Variants in WDR70 observed in about 807,000 individuals in gnomAD.
WDR70 encodes the protein WD repeat domain 70, also known as WD repeat-containing protein 70.
A neutral mutation model predicts 88.6 loss-of-function variants in WDR70; 53 were observed. That is an observed-to-expected ratio of 0.60 (90% CI 0.48 to 0.75). The LOEUF is 0.75. Ranked by LOEUF, WDR70 falls within the 30% of genes least tolerant of loss-of-function variation. WDR70 has a pLI of 0.00. For missense variants in WDR70, 610 were observed against 823.2 expected (o/e 0.74, Z 3.17); for synonymous variants, 280 against 270.0 (o/e 1.04, Z -0.36).
intron 9 of WDR70, among the ~76,000 whole-genome samples, chr5:37,540,749 C>A (rs935967046): frequency 2.6e-5 from 4 of 152,160 alleles, no homozygotes; most frequent in African/African-American, 2.4e-5. Context: ...AAAATGTATT[C>A]TTTTACATGA....
At chr5:37,447,035 T>C (rs1738505330) in intron 7 of WDR70, among the ~76,000 whole-genome samples, 1 of 152,166 alleles carries the variant, frequency 6.6e-6, no homozygotes, top group Non-Finnish European at 1.5e-5. Context: ...TTTTGCAACC[T>C]ACCCATCTGA....
intron 8 of WDR70, among the ~76,000 whole-genome samples, chr5:37,487,621 A>ATTTTT (rs1561871968): frequency 5.3e-5 from 2 of 37,690 alleles, no homozygotes; most frequent in African/African-American, 1.5e-4. Flanking sequence ...ATATATATAT[A>ATTTTT]TATGTATTTT....
chr5:37,502,622 C>G (rs1740439346), intron 8 of WDR70, among the ~76,000 whole-genome samples: 1 of 152,064 alleles, frequency 6.6e-6, no homozygotes, highest in African/African-American at 2.4e-5. Context: ...GCCACTCTTG[C>G]ATTGCCGAAA....
intron 13 of WDR70, among the ~76,000 whole-genome samples, chr5:37,719,532 G>A (rs183478329): frequency 6.6e-6 from 1 of 152,126 alleles, no homozygotes; most frequent in African/African-American, 2.4e-5. Context: ...GTGAAAACCT[G>A]CCCCTTTAAC....
chr5:37,524,473 G>C (rs866892043), intron 9 of WDR70, among the ~76,000 whole-genome samples: 4 of 152,126 alleles, frequency 2.6e-5, no homozygotes, highest in African/African-American at 9.7e-5. Flanking sequence ...AAGAGCTCCT[G>C]AAGGAAGCAC....
intron 17 of WDR70, among the ~76,000 whole-genome samples, chr5:37,745,986 C>T (rs1389113359): frequency 6.6e-6 from 1 of 152,170 alleles, no homozygotes; most frequent in African/African-American, 2.4e-5. Flanking sequence ...TTCTCATTTC[C>T]ACATGGCACT....
At chr5:37,576,342 G>A (rs1329192585) in intron 9 of WDR70, among the ~76,000 whole-genome samples, 3 of 151,804 alleles carry the variant, frequency 2.0e-5, no homozygotes, top group Non-Finnish European at 4.4e-5. Context: ...TTCCTGGTGT[G>A]TTCTAAGGCA....
At chr5:37,483,719 T>A (rs77845325) in intron 8 of WDR70, among the ~76,000 whole-genome samples, 1 of 144,246 alleles carries the variant, frequency 6.9e-6, no homozygotes, top group East Asian at 2.2e-4. Flanking sequence ...GGCGGTGGCC[T>A]GGAGGAGGTG....
chr5:37,565,538 T>C (rs563413269), intron 9 of WDR70, among the ~76,000 whole-genome samples: 247 of 152,276 alleles, frequency 1.6e-3, no homozygotes, highest in African/African-American at 5.4e-3. Flanking sequence ...CGTTAGAGTC[T>C]GTTATCTTGA....
intron 8 of WDR70, among the ~76,000 whole-genome samples, chr5:37,480,444 C>A (rs1374463659): frequency 6.6e-6 from 1 of 152,206 alleles, no homozygotes; most frequent in Non-Finnish European, 1.5e-5. Flanking sequence ...AATTGTTTCA[C>A]AGTTCTGCAT....
At chr5:37,463,717 G>GA (rs1739080916) in intron 7 of WDR70, among the ~76,000 whole-genome samples, 1 of 152,102 alleles carries the variant, frequency 6.6e-6, no homozygotes, top group Admixed American at 6.6e-5. Context: ...CGGAATCTTC[G>GA]TTGTTTAGGC....
At chr5:37,691,232 C>T (rs893286014) in intron 10 of WDR70, among the ~76,000 whole-genome samples, 4 of 152,114 alleles carry the variant, frequency 2.6e-5, no homozygotes, top group Admixed American at 2.6e-4. Flanking sequence ...CCTTAGAGAC[C>T]TACAGATACT....
chr5:37,705,362 A>G (rs1747292020), intron 13 of WDR70, among the ~76,000 whole-genome samples: 1 of 152,196 alleles, frequency 6.6e-6, no homozygotes, highest in African/African-American at 2.4e-5. Flanking sequence ...TTAAATAAAT[A>G]GAACATACAA....
intron 4 of WDR70, among the ~76,000 whole-genome samples, chr5:37,393,781 A>G (rs539660527): frequency 4.3e-4 from 66 of 152,130 alleles, no homozygotes; most frequent in Non-Finnish European, 8.4e-4. Flanking sequence ...CCCAGACTCA[A>G]GTGATCCTCC....
rs192029201 is a variant in WDR70 at position 37,474,416 on chromosome 5, G to A, written c.687-5418G>A. 4.7e-3 allele frequency among the ~76,000 whole-genome samples: 709 copies of A among 152,256 alleles called. 3 individuals carry two copies. Among genetic ancestry groups the A allele is most frequent in the African/African-American group, 0.016 (653 of 41,558 alleles). ...CTGGAAAAGAGATGTTGAAATCTCCGAGTGTGATTGTAGATTTGCCTGTTT... is the reference window on the plus strand; with the variant it reads ...CTGGAAAAGAGATGTTGAAATCTCCAAGTGTGATTGTAGATTTGCCTGTTT... On this transcript the variant is annotated intron_variant, in intron 7 of 17. Coordinates refer to ENST00000265107, the MANE Select transcript of WDR70 (RefSeq NM_018034.4).
At chr5:37,561,320 T>C (rs1175925039) in intron 9 of WDR70, among the ~76,000 whole-genome samples, 1 of 152,226 alleles carries the variant, frequency 6.6e-6, no homozygotes, top group Non-Finnish European at 1.5e-5. Context: ...CTAACTAATA[T>C]AGAAAACCGA....
chr5:37,702,914 A>G lies in WDR70; in HGVS notation c.1278-35A>G, dbSNP rs752710190. On this transcript the variant is annotated intron_variant, in intron 12 of 17. Transcript: ENST00000265107. ...TGATTGCTGGACTGTTGTGGAGGTCATAAGCTTATACTCGTAAACTCTTTT... is the reference window on the plus strand; with the variant it reads ...TGATTGCTGGACTGTTGTGGAGGTCGTAAGCTTATACTCGTAAACTCTTTT... 25 of 1,585,834 alleles carry G rather than the reference A, an allele frequency of 1.6e-5. 1 individual carries two copies. Among genetic ancestry groups the G allele is most frequent in the Non-Finnish European group, 2.2e-5 (25 of 1,157,542 alleles).
intron 5 of WDR70, among the ~76,000 whole-genome samples, chr5:37,429,714 A>G (rs1750244465): frequency 1.3e-5 from 2 of 152,302 alleles, no homozygotes; most frequent in Admixed American, 6.5e-5. Context: ...TACTATCACA[A>G]TGTCTCAGTT....
At chr5:37,699,079 C>T (rs1310420871) in intron 11 of WDR70, among the ~76,000 whole-genome samples, 1 of 151,882 alleles carries the variant, frequency 6.6e-6, no homozygotes, top group Non-Finnish European at 1.5e-5. Context: ...ATAATTGCTC[C>T]ACTTAGGAAT....
Sources: gnomAD v4.1 joint callset for allele counts (sites outside exome capture counted in the v4.1 genomes callset) on GRCh38, gnomAD v4.1.1 for gene constraint, MANE v1.5 for transcripts, NCBI Gene and HGNC (gene_info 2026-07-23, HGNC 2026-07-21) for gene names.